CDH2: variants seen among roughly 807,000 people sequenced by gnomAD.
CDH2 encodes cadherin-2.
CDH2 carries 17 observed loss-of-function variants against 92.0 expected under a neutral mutation model. The observed-to-expected ratio is 0.18, with a 90% CI of 0.13 to 0.28. CDH2 has a LOEUF of 0.28. Among genes scored for constraint, CDH2 ranks in the 10% least tolerant of loss-of-function variants. The probability of loss-of-function intolerance (pLI) is 1.00; values close to 1 mark genes in which losing one functional copy is unlikely to be tolerated. For synonymous variants in CDH2, 419 were observed against 415.9 expected, an observed-to-expected ratio of 1.01 and a Z score of -0.09; for missense variants, 862 against 1,133.1, an observed-to-expected ratio of 0.76 and a Z score of 3.44.
At chr18:27,947,916 TATAAGTGATATA>T, downstream of CDH2, among the ~76,000 whole-genome samples, 1 of 151,196 alleles carries the variant, frequency 6.6e-6, no homozygotes, top group Admixed American at 6.6e-5. Context: ...GGAAAACAGA[TATAAGTGATATA>T]ACTTTGATAT....
In CDH2 at chr18:27,960,019, A is replaced by AACACGCAC. The variant is rs34449678; in HGVS notation, c.2514+3337_2514+3338insGTGCGTGT. Among the ~76,000 whole-genome samples, 20 of 149,614 alleles carry AACACGCAC rather than the reference A, an allele frequency of 1.3e-4. No homozygotes were observed. In the East Asian group the frequency reaches 3.6e-3, roughly 27 times the overall value. On this transcript the variant is annotated intron_variant, in intron 15 of 15. Transcript: ENST00000269141. Reference sequence around the variant, plus strand: ...AACAGAGAGAGACCCTGTCTCTTAAAACACACACACACACACACACACACA... The same window carrying AACACGCAC: ...AACAGAGAGAGACCCTGTCTCTTAAAACACGCACACACACACACACACACACACACACA...
At position 28,095,869 on chromosome 18, in the gene CDH2, A is replaced by G. The variant is rs532714965; in HGVS notation, c.172+51804T>C. On this transcript the variant is annotated intron_variant, in intron 2 of 15. Coordinates refer to ENST00000269141, the MANE Select transcript of CDH2 (RefSeq NM_001792.5). ...CACATACTAATGACTAAGTTCCTCA[A>G]TGGAAATGGAGAATACATACAAGGT... 5.3e-5 allele frequency among the ~76,000 whole-genome samples: 8 copies of G among 151,546 alleles called. No individual in the cohort carries two copies. The East Asian group carries it at 5.8e-4, about 11-fold the overall frequency.
chr18:28,150,327 G>A (rs931930205), intron 1 of CDH2, among the ~76,000 whole-genome samples: 3 of 152,208 alleles, frequency 2.0e-5, no homozygotes, highest in African/African-American at 7.2e-5. Flanking sequence ...GAGTATGCGG[G>A]TTTGTGGGTA....
At chr18:28,011,237 A>G (rs1324989066) in intron 4 of CDH2, among the ~76,000 whole-genome samples, 1 of 152,192 alleles carries the variant, frequency 6.6e-6, no homozygotes, top group East Asian at 1.9e-4. Context: ...AAGTTTATTA[A>G]AATGCAAAAA....
At chr18:28,083,188 C>G (rs888701398) in intron 2 of CDH2, among the ~76,000 whole-genome samples, 4 of 152,124 alleles carry the variant, frequency 2.6e-5, no homozygotes, top group Admixed American at 6.5e-5. Context: ...CCCCAAGAAA[C>G]TCATTTTCAG....
intron 1 of CDH2, among the ~76,000 whole-genome samples, chr18:28,173,231 A>G (rs1234451359): frequency 6.6e-6 from 1 of 152,168 alleles, no homozygotes; most frequent in Middle Eastern, 3.2e-3. Context: ...TAGTGTTTTA[A>G]AAACAAGTGA....
intron 1 of CDH2, among the ~76,000 whole-genome samples, chr18:28,160,633 T>C (rs2016293191): frequency 6.6e-6 from 1 of 152,018 alleles, no homozygotes; most frequent in Non-Finnish European, 1.5e-5. Context: ...AACTCCATAG[T>C]AAATGGCAGA....
chr18:28,174,161 T>TA (rs1423853690), intron 1 of CDH2, among the ~76,000 whole-genome samples: 3 of 151,818 alleles, frequency 2.0e-5, no homozygotes, highest in Non-Finnish European at 4.4e-5. Context: ...ATTTAGCTTG[T>TA]AAAAAAACAA....
chr18:28,174,821 A>C (rs547235692), intron 1 of CDH2, among the ~76,000 whole-genome samples: 1 of 152,330 alleles, frequency 6.6e-6, no homozygotes, highest in East Asian at 1.9e-4. Context: ...ACTCACTTTT[A>C]GATGAAAAAG....
chr18:28,158,526 C>T (rs2016256272), intron 1 of CDH2, among the ~76,000 whole-genome samples: 2 of 152,322 alleles, frequency 1.3e-5, no homozygotes, highest in South Asian at 4.1e-4. Context: ...CCTGATGCTT[C>T]ATTCCATGGG....
chr18:28,020,271 C>T (rs2013372301), intron 2 of CDH2, among the ~76,000 whole-genome samples: 1 of 151,944 alleles, frequency 6.6e-6, no homozygotes, highest in Non-Finnish European at 1.5e-5. Flanking sequence ...TGTTAAGTTA[C>T]AGAATCTTAG....
intron 13 of CDH2, among the ~76,000 whole-genome samples, 187 bp downstream of exon 13, chr18:27,984,813 T>A (rs1020753271): frequency 6.6e-6 from 1 of 152,230 alleles, no homozygotes; most frequent in Admixed American, 6.5e-5. Context: ...CATCAAGTGC[T>A]TGAAACAATG....
At chr18:28,013,031 T>C (rs923802175) in intron 3 of CDH2, among the ~76,000 whole-genome samples, 2 of 152,198 alleles carry the variant, frequency 1.3e-5, no homozygotes, top group African/African-American at 2.4e-5. Flanking sequence ...CAGAAAATAT[T>C]ATCATAACGT....
intron 2 of CDH2, among the ~76,000 whole-genome samples, chr18:28,049,595 C>G (rs531343360): frequency 6.6e-6 from 1 of 152,136 alleles, no homozygotes; most frequent in Non-Finnish European, 1.5e-5. Flanking sequence ...ACATCATGAA[C>G]GGCATATTGA....
intron 12 of CDH2, 86 bp from the exon 13 acceptor site, chr18:27,985,319 AC>A: frequency 1.2e-6 from 1 of 835,306 alleles, no homozygotes; most frequent in Admixed American, 2.3e-5. Flanking sequence ...TGTATTTACT[AC>A]CTAATAGTAC....
At chr18:28,006,072 A>G (rs935426732) in intron 5 of CDH2, 79 bp from the exon 6 acceptor site, 3 of 1,144,296 alleles carry the variant, frequency 2.6e-6, no homozygotes, top group Non-Finnish European at 1.3e-6. Flanking sequence ...AAGGCTACAA[A>G]AATAGCAAGA....
At chr18:28,114,985 C>T (rs915560623) in intron 2 of CDH2, among the ~76,000 whole-genome samples, 6 of 152,152 alleles carry the variant, frequency 3.9e-5, no homozygotes, top group African/African-American at 1.4e-4. Flanking sequence ...TTGTTCTCAA[C>T]CGTTTTCTTG....
chr18:28,051,745 G>T (rs2014195550), intron 2 of CDH2, among the ~76,000 whole-genome samples: 1 of 151,974 alleles, frequency 6.6e-6, no homozygotes, highest in Non-Finnish European at 1.5e-5. Context: ...AAATCTATAG[G>T]GAAACTACAT....
At chr18:28,153,205 G>A (rs1188202238) in intron 1 of CDH2, among the ~76,000 whole-genome samples, 1 of 152,122 alleles carries the variant, frequency 6.6e-6, no homozygotes, top group Non-Finnish European at 1.5e-5. Context: ...AAAAGGTACA[G>A]CAGAACAAAG....
Sources: allele counts gnomAD v4.1 joint callset (sites outside exome capture counted in the v4.1 genomes callset), GRCh38; gene constraint gnomAD v4.1.1; transcripts MANE v1.5; gene names NCBI Gene and HGNC (gene_info 2026-07-23, HGNC 2026-07-21).